The following PPP6R2 variants were observed in gnomAD, a reference collection of about 807,000 sequenced individuals.
PPP6R2 encodes serine/threonine-protein phosphatase 6 regulatory subunit 2.
In PPP6R2, 62 loss-of-function variants were observed where a neutral mutation model predicts 100.2. The observed-to-expected ratio is 0.62, with a 90% CI of 0.50 to 0.76. The LOEUF is 0.76. Ranked by LOEUF, PPP6R2 falls within the 30% of genes least tolerant of loss-of-function variation. The pLI, the probability that PPP6R2 is intolerant of heterozygous loss-of-function variation, is 0.00. For synonymous variants in PPP6R2, 525 were observed against 514.7 expected, an observed-to-expected ratio of 1.02 and a Z score of -0.27; for missense variants, 1,142 against 1,276.3, an observed-to-expected ratio of 0.89 and a Z score of 1.60.
intron 10 of PPP6R2, among the ~76,000 whole-genome samples, chr22:50,424,528 G>A (rs2061796410): frequency 1.3e-5 from 2 of 151,080 alleles, no homozygotes; most frequent in South Asian, 2.1e-4. Flanking sequence ...CGTGTGGAAC[G>A]TCTGTCAGCG....
intron 1 of PPP6R2, among the ~76,000 whole-genome samples, chr22:50,351,683 G>A (rs1180353385): frequency 1.3e-5 from 2 of 152,082 alleles, no homozygotes; most frequent in Middle Eastern, 3.2e-3. Context: ...ACCCAGGCTG[G>A]AGTGCAGTGG....
At chr22:50,433,026 C>T (rs890124026) in intron 12 of PPP6R2, among the ~76,000 whole-genome samples, 3 of 152,278 alleles carry the variant, frequency 2.0e-5, no homozygotes, top group Non-Finnish European at 2.9e-5. Flanking sequence ...CTTTCTGCCT[C>T]CATTTCCCTG....
At chr22:50,342,665 C>T (rs1418616513), upstream of PPP6R2, among the ~76,000 whole-genome samples, 1 of 152,244 alleles carries the variant, frequency 6.6e-6, no homozygotes, top group Non-Finnish European at 1.5e-5. Flanking sequence ...ACGGCTCGCT[C>T]TAACATCTGA....
chr22:50,440,948 T>C lies in PPP6R2; in HGVS notation c.2501T>C (p.Met834Thr), dbSNP rs566143847. The change falls in exon 22 of 24, where the codon ATG becomes ACG. Residue 834 changes from methionine (M) to threonine (T), a missense_variant. Met to Thr is a moderately conservative substitution (Grantham distance 81, BLOSUM62 -1). This residue lies in a region of PPP6R2 where 550 missense variants were observed against 517.4 expected (regional missense o/e 1.06). Coordinates refer to ENST00000612753, the MANE Select transcript of PPP6R2 (RefSeq NM_001242898.2). ...EDGDQKAASA[M>T]DAVSRGPGRE... ...GGCGACCAGAAGGCAGCGAGTGCCA[T>C]GGATGCGGTGAGCAGGGGTCCCGGC... is the stretch of plus-strand genomic sequence containing the variant. 4.3e-6 allele frequency: 7 copies of C among 1,613,376 alleles called. No individual in the cohort carries two copies. Among genetic ancestry groups the C allele is most frequent in the Middle Eastern group, 3.3e-4 (2 of 6,040 alleles).
upstream of PPP6R2, among the ~76,000 whole-genome samples, chr22:50,338,957 G>GT (rs2042335997): frequency 8.9e-6 from 1 of 112,514 alleles, no homozygotes. Context: ...GGGTGTGGTG[G>GT]GTGTGTAGGG....
chr22:50,341,200 C>T (rs1402025446), upstream of PPP6R2, among the ~76,000 whole-genome samples: 1 of 152,118 alleles, frequency 6.6e-6, no homozygotes, highest in Non-Finnish European at 1.5e-5. Flanking sequence ...GTGTGAGCCA[C>T]CGCGCCTGTC....
At chr22:50,419,264 C>A in intron 7 of PPP6R2, 85 bp from the exon 8 acceptor site, 1 of 1,230,178 alleles carries the variant, frequency 8.1e-7, no homozygotes, top group Non-Finnish European at 1.2e-6. Flanking sequence ...TTGCTGGGGT[C>A]CTCCACGGGG....
In PPP6R2 at chr22:50,444,221, G is replaced by T. The variant is rs768688847; in HGVS notation, c.2854G>T (p.Gly952Ter). 1 of 1,613,210 alleles carries T rather than the reference G, an allele frequency of 6.2e-7. No homozygotes were observed. Among genetic ancestry groups the T allele is most frequent in the Non-Finnish European group, 8.5e-7 (1 of 1,179,874 alleles). Residue 952 changes from glycine (G) to a stop codon, truncating the protein, a stop_gained, in exon 24 of 24, where the codon GGA (glycine) becomes TGA (stop). Transcript: ENST00000612753. LOFTEE classifies it high-confidence loss of function. ...CAGGAAGACAGATGCCCCGCCAGAA[G>T]GAGCTGCCTTAAATGGCCCAGTGTG... is the stretch of plus-strand genomic sequence containing the variant. ...KDGKTDAPPEGAALNGPV is the reference protein window; with the variant it reads ...KDGKTDAPPE
In PPP6R2 at chr22:50,444,191, T is replaced by C. The variant is rs925998260; in HGVS notation, c.2832-8T>C. The C allele has an allele frequency of 1.2e-6, 2 of 1,612,598 alleles. No homozygotes were observed. The highest frequency in any genetic ancestry group is 1.7e-6 in the Non-Finnish European group (2 of 1,179,642). ...CCGCACGGTTCCAACCCCACCCCAT[T>C]CCTGCAGGAAGACAGATGCCCCGCC... On this transcript the variant is annotated splice_polypyrimidine_tract_variant and splice_region_variant and intron_variant, in intron 23 of 23. Coordinates refer to ENST00000612753, the MANE Select transcript of PPP6R2 (RefSeq NM_001242898.2).
At chr22:50,436,477 TCGGTGCACGCA>T in intron 14 of PPP6R2, 25 bp downstream of exon 14, 1 of 1,563,540 alleles carries the variant, frequency 6.4e-7, no homozygotes, top group Non-Finnish European at 8.7e-7. Flanking sequence ...GGCTGCCCCC[TCGGTGCACGCA>T]CGGTGCTGGG....
rs1427650974 is a variant in PPP6R2, at chr22:50,436,877, C to G, written c.1603-111C>G. On this transcript the variant is annotated intron_variant, in intron 14 of 23. Transcript: ENST00000612753. ...GCCCAGAGATCTGATGAGTGATGTG[C>G]TGGGTGGGGTCTGGGAGCCCTGGGC... The G allele has an allele frequency of 7.1e-6, 6 of 839,712 alleles. No homozygotes were observed. The Admixed American group carries it at 1.0e-4, about 14-fold the overall frequency. 52.0% of individuals were successfully genotyped at this position (839,712 alleles called of 1,614,324 possible).
intron 1 of PPP6R2, among the ~76,000 whole-genome samples, chr22:50,356,896 T>C (rs2046712575): frequency 1.3e-5 from 2 of 151,670 alleles, no homozygotes; most frequent in Non-Finnish European, 2.9e-5. Context: ...ATCGTGCCAC[T>C]GCCCTCCAGC....
chr22:50,335,484 C>A, the PPP6R2 span, among the ~76,000 whole-genome samples: 9 of 150,392 alleles, frequency 6.0e-5, no homozygotes, highest in African/African-American at 2.0e-4. Flanking sequence ...TGACAGCCAC[C>A]GCATCTGGCC....
Position 50,443,953 on chromosome 22 carries a change from C to A in PPP6R2, c.2667C>A (p.Pro889=). The change falls in exon 23 of 24, where the codon CCC becomes CCA. Residue 889 remains proline, a synonymous_variant. Transcript: ENST00000612753. ...VTAAPAVAVP[P]EATVAITTAL... ...CTGCCCCAGCCGTGGCTGTGCCCCC[C>A]GAGGCTACTGTGGCCATCACCACAG... The A allele has an allele frequency of 6.2e-7, 1 of 1,610,908 alleles. No homozygotes were observed. The highest frequency in any genetic ancestry group is 2.2e-5 in the East Asian group (1 of 44,756).
At chr22:50,353,324 G>A (rs952935474) in intron 1 of PPP6R2, among the ~76,000 whole-genome samples, 6 of 152,052 alleles carry the variant, frequency 3.9e-5, no homozygotes, top group South Asian at 2.1e-4. Context: ...TTGACCTAAC[G>A]TTATTACGTT....
At chr22:50,371,886 C>T (rs2050305887) in intron 1 of PPP6R2, 134 bp from the exon 2 acceptor site, 1 of 152,238 alleles carries the variant, frequency 6.6e-6, no homozygotes, top group Non-Finnish European at 1.5e-5. Context: ...GATCTGCCGC[C>T]TTGGCCTCCC....
At chr22:50,422,459 C>T (rs2061463838) in intron 9 of PPP6R2, 79 bp downstream of exon 9, 1 of 1,560,426 alleles carries the variant, frequency 6.4e-7, no homozygotes, top group East Asian at 2.3e-5. Context: ...GAAGCCACAG[C>T]TTGTCCCATA....
In PPP6R2 at chr22:50,422,383, A is replaced by G; in HGVS notation, c.972+3A>G. 2 of 1,613,736 alleles carry G rather than the reference A, an allele frequency of 1.2e-6. No individual in the cohort carries two copies. Among genetic ancestry groups the G allele is most frequent in the Non-Finnish European group, 1.7e-6 (2 of 1,179,768 alleles). ...AGCTCCTGCTCAACCCGCCCAAGGTAAATGGCCGTGGCGACTGCTGAGTGC... is the reference window on the plus strand; with the variant it reads ...AGCTCCTGCTCAACCCGCCCAAGGTGAATGGCCGTGGCGACTGCTGAGTGC... On this transcript the variant is annotated splice_donor_region_variant and intron_variant, in intron 9 of 23. Transcript: ENST00000612753.
rs569696691 is a variant in PPP6R2, at chr22:50,414,520, C to T, written c.415-32C>T. 9 of 1,608,332 alleles carry T rather than the reference C, an allele frequency of 5.6e-6. No homozygotes were observed. In the South Asian group the frequency reaches 7.7e-5, roughly 14 times the overall value. On this transcript the variant is annotated intron_variant, in intron 4 of 23. Coordinates refer to ENST00000612753, the MANE Select transcript of PPP6R2 (RefSeq NM_001242898.2). ...GTGTCTCAGGGTTGTCAGGGTCGGC[C>T]CCGCCTGCCTCTCAGGTGTGTGTGA...
Sources: allele counts gnomAD v4.1 joint callset (sites outside exome capture counted in the v4.1 genomes callset), GRCh38; gene constraint gnomAD v4.1.1; regional missense constraint gnomAD v4.1.1; transcripts MANE v1.5; gene names NCBI Gene and HGNC (gene_info 2026-07-23, HGNC 2026-07-21).